The following KANK1 variants were observed in gnomAD, a reference collection of about 807,000 sequenced individuals.
KANK1 encodes the protein KN motif and ankyrin repeat domain-containing protein 1.
A neutral mutation model predicts 106.2 loss-of-function variants in KANK1; 109 were observed. The observed-to-expected ratio is 1.03, with a 90% CI of 0.88 to 1.20. The LOEUF is 1.20. Ranked by LOEUF, KANK1 falls within the 50% of genes most tolerant of loss-of-function variation. The probability of loss-of-function intolerance (pLI) is 0.00; values close to 1 mark genes in which losing one functional copy is unlikely to be tolerated. For synonymous variants in KANK1, 873 were observed against 652.2 expected, an observed-to-expected ratio of 1.34 and a Z score of -5.16; for missense variants, 2,399 against 1,710.7, an observed-to-expected ratio of 1.40 and a Z score of -7.10.
At chr9:515,300 G>A (rs570417711) in intron 1 of KANK1, among the ~76,000 whole-genome samples, 3 of 150,148 alleles carry the variant, frequency 2.0e-5, no homozygotes, top group East Asian at 1.9e-4. Flanking sequence ...AGCCGAGATC[G>A]TGCCACTGCC....
intron 3 of KANK1, among the ~76,000 whole-genome samples, chr9:723,236 G>A (rs967909922): frequency 1.3e-5 from 2 of 152,162 alleles, no homozygotes; most frequent in East Asian, 1.9e-4. Context: ...TTGGATGCCT[G>A]CAGGAGGAGG....
intron 1 of KANK1, among the ~76,000 whole-genome samples, chr9:648,731 A>G (rs1840263255): frequency 6.6e-6 from 1 of 152,142 alleles, no homozygotes; most frequent in African/African-American, 2.4e-5. Context: ...GGGGGAGAGT[A>G]TCTCATGAAG....
intron 2 of KANK1, 109 bp from the exon 3 acceptor site, chr9:710,695 T>A: frequency 2.1e-6 from 2 of 961,038 alleles, no homozygotes; most frequent in Non-Finnish European, 1.5e-6. Context: ...CATAGGTGTG[T>A]CAACTCTTAA....
intron 2 of KANK1, among the ~76,000 whole-genome samples, chr9:696,240 C>T (rs1476858864): frequency 4.0e-5 from 6 of 151,466 alleles, no homozygotes; most frequent in South Asian, 2.1e-4. Flanking sequence ...GCCGAGATCA[C>T]GCCACTGCAC....
At chr9:666,971 G>A (rs77680234) in intron 1 of KANK1, among the ~76,000 whole-genome samples, 3,561 of 125,896 alleles carry the variant, frequency 0.028, 173 homozygotes, top group African/African-American at 0.099. Context: ...CCGCCTTGCC[G>A]GATGAGTTTG....
At chr9:479,947 G>A (rs1162258218) in intron 3 of KANK1, among the ~76,000 whole-genome samples, 2 of 152,266 alleles carry the variant, frequency 1.3e-5, no homozygotes, top group East Asian at 1.9e-4. Context: ...CCTTTCATAT[G>A]GAAATGATTT....
intron 3 of KANK1, among the ~76,000 whole-genome samples, chr9:719,134 T>A (rs1014002549): frequency 1.8e-4 from 27 of 151,880 alleles, no homozygotes; most frequent in Non-Finnish European, 3.1e-4. Flanking sequence ...TAAATTTTTT[T>A]TTATTATTAT....
intron 1 of KANK1, among the ~76,000 whole-genome samples, chr9:603,228 G>T (rs549441291): frequency 1.3e-5 from 2 of 151,954 alleles, no homozygotes; most frequent in Non-Finnish European, 2.9e-5. Context: ...CATTAATTTG[G>T]AGATGATGTT....
chr9:536,693 A>G (rs1324849784), intron 1 of KANK1, among the ~76,000 whole-genome samples: 4 of 152,172 alleles, frequency 2.6e-5, no homozygotes, highest in African/African-American at 9.7e-5. Context: ...ATCCAGGAAA[A>G]TCTCTCCATC....
intron 3 of KANK1, among the ~76,000 whole-genome samples, chr9:478,921 CTT>C (rs59794020): frequency 3.1e-4 from 42 of 137,584 alleles, no homozygotes; most frequent in Admixed American, 8.0e-4. Context: ...ACATCCATTA[CTT>C]TTTTTTTTTT....
At chr9:607,755 A>G (rs1829591854) in intron 1 of KANK1, among the ~76,000 whole-genome samples, 1 of 151,656 alleles carries the variant, frequency 6.6e-6, no homozygotes, top group African/African-American at 2.4e-5. Context: ...TGTTCTCCTA[A>G]CTTACTATGC....
chr9:667,195 A>G (rs993735536), intron 1 of KANK1, among the ~76,000 whole-genome samples: 5 of 151,852 alleles, frequency 3.3e-5, no homozygotes, highest in African/African-American at 1.2e-4. Context: ...CCAGGAATGT[A>G]TCTTTGTCTT....
At chr9:689,500 AAGG>A (rs1475783729) in intron 2 of KANK1, among the ~76,000 whole-genome samples, 1 of 152,130 alleles carries the variant, frequency 6.6e-6, no homozygotes, top group Non-Finnish European at 1.5e-5. Context: ...CAGGCATGTA[AAGG>A]AGGAGTCCTC....
In KANK1 at chr9:713,244, C is replaced by T; in HGVS notation, c.2478C>T (p.Tyr826=). ...GAATGATGACTGGCCTGGATCACTA[C>T]ATTGAGCGTATCCAGAAGCTGCTGG... The part of the protein sequence containing the change: ...PLGMMTGLDH[Y]IERIQKLLAE... Residue 826 remains tyrosine, a synonymous_variant, in exon 3 of 12, where the codon TAC becomes TAT. Transcript: ENST00000382297. 6.2e-7 allele frequency: 1 copy of T among 1,608,434 alleles called. No individual in the cohort carries two copies. Among genetic ancestry groups the T allele is most frequent in the Non-Finnish European group, 8.5e-7 (1 of 1,177,438 alleles).
At chr9:708,459 C>G (rs1417456914) in intron 2 of KANK1, among the ~76,000 whole-genome samples, 1 of 152,244 alleles carries the variant, frequency 6.6e-6, no homozygotes, top group Non-Finnish European at 1.5e-5. Flanking sequence ...CTGGGCACTT[C>G]TTTCACATAG....
intron 1 of KANK1, among the ~76,000 whole-genome samples, chr9:536,743 T>C (rs778868416): frequency 6.6e-6 from 1 of 150,976 alleles, no homozygotes; most frequent in Non-Finnish European, 1.5e-5. Flanking sequence ...ACAATGACTT[T>C]TGCCATGAAT....
intron 3 of KANK1, among the ~76,000 whole-genome samples, chr9:498,345 G>T (rs1044191647): frequency 6.6e-6 from 1 of 152,128 alleles, no homozygotes; most frequent in East Asian, 1.9e-4. Flanking sequence ...TGTATAACGC[G>T]TGGTCATGTT....
intron 3 of KANK1, among the ~76,000 whole-genome samples, chr9:724,139 G>C (rs7866110): frequency 0.01 from 1,560 of 152,112 alleles, 28 homozygotes; most frequent in African/African-American, 0.035. Flanking sequence ...ATACTGACTG[G>C]ATTATGTGAT....
chr9:706,698 A>G (rs1474736980), intron 2 of KANK1: 1 of 747,864 alleles, frequency 1.3e-6, no homozygotes, highest in African/African-American at 1.9e-5. Flanking sequence ...ATGATAAAGG[A>G]TAACTACTTG....
Sources: allele counts gnomAD v4.1 joint callset (sites outside exome capture counted in the v4.1 genomes callset), GRCh38; gene constraint gnomAD v4.1.1; transcripts MANE v1.5; gene names NCBI Gene and HGNC (gene_info 2026-07-23, HGNC 2026-07-21).